Variants in SYT1 observed in about 807,000 individuals in gnomAD.
SYT1 encodes the protein synaptotagmin 1.
In SYT1, 8 loss-of-function variants were observed where a neutral mutation model predicts 44.8. The observed-to-expected ratio is 0.18, with a 90% CI of 0.10 to 0.32. The LOEUF (loss-of-function observed/expected upper bound fraction) is 0.32. SYT1 is among the 10% of genes least tolerant of loss of function. SYT1 has a pLI of 1.00. For synonymous variants in SYT1, 154 were observed against 188.8 expected, an observed-to-expected ratio of 0.82 and a Z score of 1.51; for missense variants, 286 against 509.3, an observed-to-expected ratio of 0.56 and a Z score of 4.22.
chr12:79,227,208 A>ATTTT (rs1329790664), intron 4 of SYT1, among the ~76,000 whole-genome samples: 1 of 151,978 alleles, frequency 6.6e-6, no homozygotes, highest in Non-Finnish European at 1.5e-5. Flanking sequence ...CCAGGCCTTA[A>ATTTT]TTTTTTTAAA....
chr12:79,051,733 A>G lies in SYT1; in HGVS notation c.-18+4371A>G, dbSNP rs553989185. Among the ~76,000 whole-genome samples, 6 of 152,156 alleles carry G rather than the reference A, an allele frequency of 3.9e-5. No individual in the cohort carries two copies. The East Asian group carries it at 1.2e-3, about 29-fold the overall frequency. The stretch of plus-strand genomic sequence containing the variant: ...CCCAAGATTCTCTGAGATTGGATTA[A>G]GTATATGAAGATCTCTATAGTGATA... On this transcript the variant is annotated intron_variant, in intron 3 of 10. Transcript: ENST00000261205.
chr12:79,200,421 G>GT (rs1873711831), intron 3 of SYT1, among the ~76,000 whole-genome samples: 1 of 152,062 alleles, frequency 6.6e-6, no homozygotes, highest in Non-Finnish European at 1.5e-5. Flanking sequence ...TCACATAGAG[G>GT]TACTTAGAGC....
chr12:79,217,179 G>C (rs996822457), intron 3 of SYT1, among the ~76,000 whole-genome samples: 11 of 151,634 alleles, frequency 7.3e-5, no homozygotes, highest in Non-Finnish European at 1.2e-4. Flanking sequence ...TACACGTTTT[G>C]GTAAGATATG....
At chr12:79,010,103 T>A (rs1030164110) in intron 2 of SYT1, among the ~76,000 whole-genome samples, 3 of 152,206 alleles carry the variant, frequency 2.0e-5, no homozygotes, top group Admixed American at 6.6e-5. Flanking sequence ...TTACTATTAC[T>A]GTAGGTTAAT....
At chr12:79,171,122 G>C (rs934305408) in intron 3 of SYT1, among the ~76,000 whole-genome samples, 3 of 152,058 alleles carry the variant, frequency 2.0e-5, no homozygotes, top group African/African-American at 7.2e-5. Flanking sequence ...AAGTTGGGTA[G>C]TGTGACGCCT....
At position 79,405,739 on chromosome 12, in the gene SYT1, T is replaced by G. The variant is rs144184291; in HGVS notation, c.929-38334T>G. Among the ~76,000 whole-genome samples the G allele has an allele frequency of 5.7e-4, 87 of 152,286 alleles. 1 individual carries two copies. Among genetic ancestry groups the G allele is most frequent in the African/African-American group, 1.9e-3 (77 of 41,582 alleles). ...AATGCAACCTTTGGTTTGCCTACTC[T>G]ATGATGCCATCAGGGACCTGTGTTT... On this transcript the variant is annotated intron_variant, in intron 9 of 10. Transcript: ENST00000261205.
In SYT1 at chr12:79,086,849, C is replaced by CGG. The variant is rs917539322; in HGVS notation, c.-18+39489_-18+39490dup. On this transcript the variant is annotated intron_variant, in intron 3 of 10. Coordinates refer to ENST00000261205, the MANE Select transcript of SYT1 (RefSeq NM_005639.3). ...CTAAGCTGAAAAACTAATGCATGGC[C>CGG]GGGTATTCTTGGTAGGCCTCCAGGC... Among the ~76,000 whole-genome samples, 49 of 152,052 alleles carry CGG rather than the reference C, an allele frequency of 3.2e-4. 1 individual carries two copies. Among genetic ancestry groups the CGG allele is most frequent in the Admixed American group, 2.9e-3 (44 of 15,268 alleles).
chr12:79,308,592 AAG>A (rs1565901370), intron 8 of SYT1, among the ~76,000 whole-genome samples: 53 of 87,446 alleles, frequency 6.1e-4, no homozygotes, highest in African/African-American at 2.1e-3. Flanking sequence ...GAAAAGAAAG[AAG>A]AAAGAAAGAA....
At chr12:79,209,463 A>T (rs1160561614) in intron 3 of SYT1, among the ~76,000 whole-genome samples, 1 of 152,196 alleles carries the variant, frequency 6.6e-6, no homozygotes, top group Non-Finnish European at 1.5e-5. Context: ...AGAAGGGGAG[A>T]TGCTTGCTGA....
At chr12:79,264,319 A>G (rs1314109615) in intron 4 of SYT1, among the ~76,000 whole-genome samples, 1 of 151,856 alleles carries the variant, frequency 6.6e-6, no homozygotes, top group Non-Finnish European at 1.5e-5. Context: ...AGCTGGGACT[A>G]CTGGCGCCCA....
At chr12:78,987,614 A>C (rs1310828341) in intron 2 of SYT1, among the ~76,000 whole-genome samples, 1 of 152,008 alleles carries the variant, frequency 6.6e-6, no homozygotes, top group Non-Finnish European at 1.5e-5. Flanking sequence ...TGGAATATGA[A>C]ACCTTACTTG....
chr12:79,422,971 C>T (rs896507721), intron 9 of SYT1, among the ~76,000 whole-genome samples: 1 of 152,098 alleles, frequency 6.6e-6, no homozygotes, highest in Non-Finnish European at 1.5e-5. Flanking sequence ...GTCCAATAGC[C>T]AATCCACTAC....
intron 9 of SYT1, among the ~76,000 whole-genome samples, chr12:79,354,781 A>G (rs1274502597): frequency 6.6e-6 from 1 of 152,214 alleles, no homozygotes; most frequent in African/African-American, 2.4e-5. Flanking sequence ...AAAAACATGC[A>G]GAGAAATTTT....
At chr12:79,234,710 TTC>T (rs1362204527) in intron 4 of SYT1, among the ~76,000 whole-genome samples, 16 of 21,256 alleles carry the variant, frequency 7.5e-4, no homozygotes, top group African/African-American at 2.7e-3. Flanking sequence ...CTTTCTTTCT[TTC>T]TTTTTTTTTT....
At chr12:79,091,166 C>T (rs1877750344) in intron 3 of SYT1, among the ~76,000 whole-genome samples, 1 of 151,866 alleles carries the variant, frequency 6.6e-6, no homozygotes, top group Non-Finnish European at 1.5e-5. Flanking sequence ...TCCCACAGTC[C>T]CCTCTTTGAA....
intron 9 of SYT1, among the ~76,000 whole-genome samples, chr12:79,401,064 C>A (rs1223963856): frequency 1.3e-5 from 2 of 152,126 alleles, no homozygotes; most frequent in Non-Finnish European, 2.9e-5. Flanking sequence ...GTAAGGTGGA[C>A]ATAATGCTGC....
At chr12:78,871,999 T>G (rs1324448935) in intron 1 of SYT1, among the ~76,000 whole-genome samples, 1 of 151,966 alleles carries the variant, frequency 6.6e-6, no homozygotes, top group Non-Finnish European at 1.5e-5. Flanking sequence ...TTTATCTGTC[T>G]GTGTACAGGA....
chr12:79,407,134 A>G (rs1220216611), intron 9 of SYT1, among the ~76,000 whole-genome samples: 1 of 152,108 alleles, frequency 6.6e-6, no homozygotes, highest in Non-Finnish European at 1.5e-5. Context: ...AGTAATTTGT[A>G]TTCTTTTTTA....
chr12:79,115,210 T>G (rs1879213606), intron 3 of SYT1, among the ~76,000 whole-genome samples: 1 of 152,186 alleles, frequency 6.6e-6, no homozygotes, highest in South Asian at 2.1e-4. Flanking sequence ...GAAAGGAGTT[T>G]CAAAAACATG....
Sources: allele counts gnomAD v4.1 joint callset (sites outside exome capture counted in the v4.1 genomes callset), GRCh38; gene constraint gnomAD v4.1.1; transcripts MANE v1.5; gene names NCBI Gene and HGNC (gene_info 2026-07-23, HGNC 2026-07-21).